Variants in AGBL1 observed in about 807,000 individuals in gnomAD.
AGBL1 encodes the protein AGBL carboxypeptidase 1.
Under a neutral mutation model 118.9 loss-of-function variants are expected in AGBL1, and 130 were observed. The ratio of observed to expected loss-of-function variants is 1.09; its 90% CI spans 0.95 to 1.26. The LOEUF (loss-of-function observed/expected upper bound fraction) is 1.26, where lower values mean the gene tolerates loss of function less well. AGBL1 is among the 50% of genes most tolerant of loss of function. AGBL1 has a pLI of 0.00. For missense variants in AGBL1, 1,584 were observed against 1,298.1 expected (o/e 1.22, Z -3.38); for synonymous variants, 555 against 478.9 (o/e 1.16, Z -2.08).
intron 22 of AGBL1, among the ~76,000 whole-genome samples, chr15:86,902,622 C>G (rs1337841054): frequency 6.6e-6 from 1 of 151,960 alleles, no homozygotes; most frequent in African/African-American, 2.4e-5. Context: ...AATTTACTTC[C>G]CATGAGAATG....
At chr15:86,934,473 T>G (rs2141641186) in intron 23 of AGBL1, among the ~76,000 whole-genome samples, 1 of 152,262 alleles carries the variant, frequency 6.6e-6, no homozygotes, top group South Asian at 2.1e-4. Context: ...CAGTATGTTC[T>G]GTGCTTACAG....
At chr15:86,216,334 A>G (rs569231178) in intron 5 of AGBL1, among the ~76,000 whole-genome samples, 50 of 152,152 alleles carry the variant, frequency 3.3e-4, no homozygotes, top group Middle Eastern at 3.4e-3. Flanking sequence ...TCTTTATCTT[A>G]TTTCTGATCT....
chr15:86,458,635 T>A (rs2082291551), intron 18 of AGBL1, among the ~76,000 whole-genome samples: 1 of 152,166 alleles, frequency 6.6e-6, no homozygotes, highest in Non-Finnish European at 1.5e-5. Context: ...TTCTAACATA[T>A]TTATCTCAAT....
intron 22 of AGBL1, among the ~76,000 whole-genome samples, chr15:86,757,139 G>A (rs532430607): frequency 2.4e-4 from 36 of 152,166 alleles, no homozygotes; most frequent in Non-Finnish European, 4.9e-4. Context: ...GTCTAGACAA[G>A]TTTATTCATG....
At chr15:86,410,027 A>G (rs543446807) in intron 18 of AGBL1, among the ~76,000 whole-genome samples, 16 of 152,324 alleles carry the variant, frequency 1.1e-4, no homozygotes, top group Non-Finnish European at 2.2e-4. Context: ...AAACTTAGAA[A>G]TCTTTATAAA....
intron 18 of AGBL1, among the ~76,000 whole-genome samples, chr15:86,425,909 C>T (rs1015519370): frequency 3.3e-5 from 5 of 151,828 alleles, no homozygotes; most frequent in African/African-American, 7.3e-5. Flanking sequence ...GATCTTTGTC[C>T]GTCTATGGAT....
intron 17 of AGBL1, among the ~76,000 whole-genome samples, chr15:86,341,296 C>A (rs2080458085): frequency 6.6e-6 from 1 of 152,100 alleles, no homozygotes; most frequent in Admixed American, 6.5e-5. Flanking sequence ...ACAGAGCAGG[C>A]TTTTATGGGG....
At chr15:86,338,955 G>T (rs184274136) in intron 17 of AGBL1, among the ~76,000 whole-genome samples, 1 of 152,240 alleles carries the variant, frequency 6.6e-6, no homozygotes, top group Admixed American at 6.5e-5. Flanking sequence ...CTACTAGAGG[G>T]TTACAAGTGT....
At chr15:86,616,383 A>G (rs1172933951) in intron 21 of AGBL1, among the ~76,000 whole-genome samples, 1 of 151,766 alleles carries the variant, frequency 6.6e-6, no homozygotes, top group Non-Finnish European at 1.5e-5. Flanking sequence ...TGAAGATGGA[A>G]AACTTGTCGT....
intron 17 of AGBL1, among the ~76,000 whole-genome samples, chr15:86,373,462 G>T (rs1193084666): frequency 6.6e-6 from 1 of 152,176 alleles, no homozygotes; most frequent in Admixed American, 6.5e-5. Flanking sequence ...CTGGGAGCTT[G>T]GCTGTATTGG....
intron 3 of AGBL1, among the ~76,000 whole-genome samples, chr15:86,149,796 C>G (rs2077082581): frequency 6.6e-6 from 1 of 152,292 alleles, no homozygotes; most frequent in Admixed American, 6.5e-5. Flanking sequence ...ATCTACAGCA[C>G]TCTCCACCCC....
At chr15:86,412,292 A>C (rs1355890290) in intron 18 of AGBL1, among the ~76,000 whole-genome samples, 1 of 152,218 alleles carries the variant, frequency 6.6e-6, no homozygotes, top group African/African-American at 2.4e-5. Flanking sequence ...ATTTTTCTTT[A>C]TAGCCAATCT....
At chr15:86,646,564 C>A (rs769772093) in intron 21 of AGBL1, among the ~76,000 whole-genome samples, 1 of 152,094 alleles carries the variant, frequency 6.6e-6, no homozygotes, top group African/African-American at 2.4e-5. Flanking sequence ...GACTCTGTGC[C>A]CTGAGTTTGG....
chr15:86,578,908 G>A (rs149281917), intron 21 of AGBL1, among the ~76,000 whole-genome samples: 37 of 152,212 alleles, frequency 2.4e-4, no homozygotes, highest in Non-Finnish European at 4.4e-4. Flanking sequence ...GCATGAAAAC[G>A]GACTAATACA....
chr15:86,954,855 TTTTAA>T (rs1366846561), intron 23 of AGBL1, among the ~76,000 whole-genome samples: 3 of 152,204 alleles, frequency 2.0e-5, no homozygotes, highest in Admixed American at 6.5e-5. Context: ...TCTTTCTGAA[TTTTAA>T]TTGAATATTA....
At chr15:86,669,856 T>A (rs2085710101) in intron 21 of AGBL1, among the ~76,000 whole-genome samples, 1 of 152,056 alleles carries the variant, frequency 6.6e-6, no homozygotes, top group African/African-American at 2.4e-5. Context: ...GGGAGTGGGG[T>A]CTGAGGATCA....
At chr15:86,953,624 CA>C (rs1239056558) in intron 23 of AGBL1, among the ~76,000 whole-genome samples, 1 of 151,994 alleles carries the variant, frequency 6.6e-6, no homozygotes, top group Non-Finnish European at 1.5e-5. Flanking sequence ...CTCCTGAGCT[CA>C]AGCAATCCAC....
At chr15:86,277,047 A>C (rs573968792) in intron 15 of AGBL1, among the ~76,000 whole-genome samples, 1 of 152,306 alleles carries the variant, frequency 6.6e-6, no homozygotes, top group East Asian at 1.9e-4. Flanking sequence ...GGGATGCCTG[A>C]CATTTGCTTT....
intron 24 of AGBL1, among the ~76,000 whole-genome samples, chr15:87,020,820 T>C (rs1326428699): frequency 6.6e-6 from 1 of 152,026 alleles, no homozygotes; most frequent in East Asian, 1.9e-4. Flanking sequence ...TAAGGAGAAC[T>C]ACAAACCACT....
Sources: allele counts gnomAD v4.1 joint callset (sites outside exome capture counted in the v4.1 genomes callset), GRCh38; gene constraint gnomAD v4.1.1; transcripts MANE v1.5; gene names NCBI Gene and HGNC (gene_info 2026-07-23, HGNC 2026-07-21).